Variants in FUCA1 observed in about 807,000 individuals in gnomAD.
FUCA1 encodes tissue alpha-L-fucosidase.
In FUCA1, 52 loss-of-function variants were observed where a neutral mutation model predicts 56.8. The observed-to-expected ratio is 0.92, with a 90% CI of 0.73 to 1.15. FUCA1 has a LOEUF of 1.15. Ranked by LOEUF, FUCA1 falls within the 50% of genes most tolerant of loss-of-function variation. FUCA1 has a pLI of 0.00. For synonymous variants in FUCA1, 230 were observed against 226.6 expected, an observed-to-expected ratio of 1.02 and a Z score of -0.14; for missense variants, 568 against 592.6, an observed-to-expected ratio of 0.96 and a Z score of 0.43.
chr1:23,854,634 G>T, intron 4 of FUCA1, 74 bp from the exon 5 acceptor site: 1 of 1,249,914 alleles, frequency 8.0e-7, no homozygotes, highest in Non-Finnish European at 1.2e-6. Flanking sequence ...CTTTGGTAAG[G>T]CTCTATTTGG....
At chr1:23,847,299 G>A (rs1639163243) in intron 6 of FUCA1, among the ~76,000 whole-genome samples, 4 of 151,544 alleles carry the variant, frequency 2.6e-5, no homozygotes, top group Admixed American at 2.6e-4. Context: ...ACTATAACAA[G>A]GACAAGACAT....
chr1:23,846,198 C>CA (rs763356564), intron 6 of FUCA1, 25 bp from the exon 7 acceptor site: 9 of 1,406,898 alleles, frequency 6.4e-6, no homozygotes, highest in Non-Finnish European at 8.1e-6. Flanking sequence ...ACAACACTGT[C>CA]AAAGATACCT....
At chr1:23,857,700 C>A (rs1279572939) in intron 4 of FUCA1, among the ~76,000 whole-genome samples, 1 of 151,736 alleles carries the variant, frequency 6.6e-6, no homozygotes, top group African/African-American at 2.4e-5. Context: ...CAGAGTCTCG[C>A]TCTGTTGCCC....
chr1:23,865,400 A>C (rs1241031877), intron 2 of FUCA1, 91 bp downstream of exon 2: 1 of 1,559,452 alleles, frequency 6.4e-7, no homozygotes, highest in African/African-American at 1.4e-5. Context: ...GCTATATGCA[A>C]ACCTAGAAAA....
chr1:23,861,959 T>C (rs1181037625), intron 3 of FUCA1, among the ~76,000 whole-genome samples: 2 of 152,240 alleles, frequency 1.3e-5, no homozygotes, highest in Non-Finnish European at 2.9e-5. Flanking sequence ...TTAGTTCTCA[T>C]GATTCTAGGA....
chr1:23,853,426 T>A (rs1490684791), intron 5 of FUCA1, among the ~76,000 whole-genome samples: 2 of 149,330 alleles, frequency 1.3e-5, no homozygotes, highest in Non-Finnish European at 3.0e-5. Flanking sequence ...AGCCGCCCCG[T>A]CCGGGAGGGA....
chr1:23,852,280 T>A (rs944907845), intron 5 of FUCA1, among the ~76,000 whole-genome samples: 1 of 151,670 alleles, frequency 6.6e-6, no homozygotes, highest in Non-Finnish European at 1.5e-5. Context: ...AATTAGCTGG[T>A]TGTAGAGGTG....
chr1:23,863,001 C>T (rs528390241), intron 3 of FUCA1, 133 bp downstream of exon 3: 68 of 968,570 alleles, frequency 7.0e-5, no homozygotes, highest in South Asian at 1.9e-4. Context: ...CTTAATACAA[C>T]CACCACTTTT....
intron 4 of FUCA1, among the ~76,000 whole-genome samples, chr1:23,857,197 A>C (rs935720655): frequency 6.6e-6 from 1 of 152,116 alleles, no homozygotes; most frequent in Non-Finnish European, 1.5e-5. Flanking sequence ...AGGGGTATAC[A>C]CCCTGAACAT....
rs1417928188 is a variant in FUCA1, at chr1:23,854,311, C to T, written c.969+49G>A. 5.1e-6 allele frequency: 7 copies of T among 1,366,668 alleles called. No homozygotes were observed. The South Asian group carries it at 8.4e-5, about 16-fold the overall frequency. 84.7% of individuals were successfully genotyped at this position (1,366,668 alleles called of 1,614,324 possible). On this transcript the variant is annotated intron_variant, in intron 5 of 7. Coordinates refer to ENST00000374479, the MANE Select transcript of FUCA1 (RefSeq NM_000147.5). Reference sequence around the variant, plus strand: ...ACATTATATAAAATAAATCATACTGCATGTTAAAAAAAAAAAAACAAAAAC... The same window carrying T: ...ACATTATATAAAATAAATCATACTGTATGTTAAAAAAAAAAAAACAAAAAC...
At chr1:23,860,307 G>A (rs1323731274) in intron 3 of FUCA1, among the ~76,000 whole-genome samples, 4 of 152,118 alleles carry the variant, frequency 2.6e-5, no homozygotes, top group African/African-American at 9.7e-5. Flanking sequence ...CAGCAGGCTG[G>A]GCACAGTGGC....
intron 2 of FUCA1, among the ~76,000 whole-genome samples, chr1:23,864,668 C>G (rs1001456710): frequency 1.3e-5 from 2 of 151,856 alleles, no homozygotes. Flanking sequence ...ACAAACTGAG[C>G]AGGTGACAGG....
chr1:23,849,292 TTCTC>T (rs1639209008), intron 5 of FUCA1, among the ~76,000 whole-genome samples: 1 of 152,030 alleles, frequency 6.6e-6, no homozygotes, highest in Admixed American at 6.6e-5. Context: ...GAGCTAAAAA[TTCTC>T]TCTCTATATA....
rs986266521 is a variant in FUCA1, at chr1:23,867,030, G to A, written c.389+868C>T. On this transcript the variant is annotated intron_variant, in intron 1 of 7. Coordinates refer to ENST00000374479, the MANE Select transcript of FUCA1 (RefSeq NM_000147.5). This position sits in a 1 kb window ranked among gnomAD's most constrained non-coding sequence, Gnocchi z 4.9. ...ACCCGGAAGATGGCTGAGGAACCAA[G>A]GTAAGGATGGAAGACTGCTCTAAGC... 6.6e-6 allele frequency among the ~76,000 whole-genome samples: 1 copy of A among 152,202 alleles called. No individual in the cohort carries two copies. Among genetic ancestry groups the A allele is most frequent in the African/African-American group, 2.4e-5 (1 of 41,442 alleles).
intron 5 of FUCA1, among the ~76,000 whole-genome samples, chr1:23,853,170 C>G (rs1639306208): frequency 6.6e-6 from 1 of 151,442 alleles, no homozygotes; most frequent in East Asian, 2.0e-4. Context: ...CGGCCGCGAC[C>G]CCGTCTGGGA....
intron 1 of FUCA1, among the ~76,000 whole-genome samples, chr1:23,865,832 G>A (rs1352767017): frequency 1.3e-5 from 2 of 152,238 alleles, no homozygotes; most frequent in African/African-American, 4.8e-5. Context: ...CAGATTTGAG[G>A]AAGTCCCAAC....
In FUCA1 at chr1:23,857,903, C is replaced by T. The variant is rs527255612; in HGVS notation, c.768+1895G>A. ...CAGGCTGGTCCTGAACTCCTGACCT[C>T]GTGATCCACCAGCCTCGGCCTCCCA... is the stretch of plus-strand genomic sequence containing the variant. On this transcript the variant is annotated intron_variant, in intron 4 of 7. Coordinates refer to ENST00000374479, the MANE Select transcript of FUCA1 (RefSeq NM_000147.5). Among the ~76,000 whole-genome samples the T allele has an allele frequency of 4.0e-5, 6 of 151,622 alleles. No homozygotes were observed. In the East Asian group the frequency reaches 9.8e-4, roughly 25 times the overall value.
intron 3 of FUCA1, 42 bp from the exon 4 acceptor site, chr1:23,859,945 T>C (rs760241481): frequency 7.4e-7 from 1 of 1,356,726 alleles, no homozygotes; most frequent in African/African-American, 1.4e-5. Context: ...TATCTGAACA[T>C]GTTCACAGTA....
At chr1:23,862,405 G>C (rs1158169311) in intron 3 of FUCA1, among the ~76,000 whole-genome samples, 1 of 152,198 alleles carries the variant, frequency 6.6e-6, no homozygotes, top group African/African-American at 2.4e-5. Context: ...GACTTCAAGT[G>C]ATCTGCCTGC....
Sources: gnomAD v4.1 joint callset for allele counts (sites outside exome capture counted in the v4.1 genomes callset) on GRCh38, gnomAD v4.1.1 for gene constraint, Gnocchi (gnomAD v3.1) non-coding constraint, MANE v1.5 for transcripts, NCBI Gene and HGNC (gene_info 2026-07-23, HGNC 2026-07-21) for gene names.